Variants in SUGCT observed in about 807,000 individuals in gnomAD.
SUGCT encodes the protein succinyl-CoA:glutarate-CoA transferase, also known as succinyl-CoA:glutarate CoA-transferase.
In SUGCT, 41 loss-of-function variants were observed where a neutral mutation model predicts 55.0. The ratio of observed to expected loss-of-function variants is 0.74; its 90% CI spans 0.58 to 0.97. The LOEUF (loss-of-function observed/expected upper bound fraction) is 0.97. Among genes scored for constraint, SUGCT ranks in the 50% least tolerant of loss-of-function variants. SUGCT has a pLI of 0.00. For synonymous variants in SUGCT, 187 were observed against 200.4 expected, an observed-to-expected ratio of 0.93 and a Z score of 0.56; for missense variants, 568 against 547.8, an observed-to-expected ratio of 1.04 and a Z score of -0.37.
chr7:40,396,980 T>C (rs1462159037), intron 9 of SUGCT, among the ~76,000 whole-genome samples: 2 of 152,128 alleles, frequency 1.3e-5, no homozygotes, highest in African/African-American at 4.8e-5. Context: ...TTATAGAAAA[T>C]GTAAAATATG....
rs1164493403 is a variant in SUGCT at position 40,375,491 on chromosome 7, C to G, written c.816+58636C>G. 2.0e-5 allele frequency among the ~76,000 whole-genome samples: 3 copies of G among 152,172 alleles called. 1 individual carries two copies. In the East Asian group the frequency reaches 5.8e-4, roughly 30 times the overall value. ...GAAATTAGGAGTTTCTCTCCTACTC[C>G]CCATCTCATGGCCTTGGCACATGCT... On this transcript the variant is annotated intron_variant, in intron 9 of 13. Transcript: ENST00000335693.
At chr7:40,707,227 A>G (rs1785463019) in intron 12 of SUGCT, among the ~76,000 whole-genome samples, 1 of 148,344 alleles carries the variant, frequency 6.7e-6, no homozygotes. Flanking sequence ...ATGCTGCAAA[A>G]TCTACTTTTT....
chr7:40,242,934 T>TATATATATATATATATGTATA (rs1491495282), intron 7 of SUGCT, among the ~76,000 whole-genome samples: 1 of 18,044 alleles, frequency 5.5e-5, no homozygotes, highest in African/African-American at 1.9e-4. Context: ...TATATATATA[T>TATATATATATATATATGTATA]TTTTTTTTTT....
chr7:40,936,410 A>G, the SUGCT span, among the ~76,000 whole-genome samples: 1 of 151,700 alleles, frequency 6.6e-6, no homozygotes, highest in Admixed American at 6.6e-5. Flanking sequence ...TAAAATTCTT[A>G]TTTTAATTTT....
intron 13 of SUGCT, among the ~76,000 whole-genome samples, chr7:40,830,962 T>C (rs1245806338): frequency 2.0e-5 from 3 of 152,194 alleles, no homozygotes; most frequent in South Asian, 2.1e-4. Flanking sequence ...CTGCTGAAGA[T>C]TGTAATAATC....
chr7:40,835,555 T>A (rs1157007568), intron 13 of SUGCT, among the ~76,000 whole-genome samples: 3 of 152,198 alleles, frequency 2.0e-5, no homozygotes, highest in Non-Finnish European at 4.4e-5. Context: ...AGAAACTGTT[T>A]TCTGTAAAGG....
intron 12 of SUGCT, among the ~76,000 whole-genome samples, chr7:40,711,965 C>G (rs1474886128): frequency 6.6e-6 from 1 of 152,182 alleles, no homozygotes; most frequent in African/African-American, 2.4e-5. Flanking sequence ...CACATCCTCA[C>G]TCTCATTCAG....
rs548105688 is a variant in SUGCT at position 40,366,498 on chromosome 7, T to A, written c.816+49643T>A. 5.3e-5 allele frequency among the ~76,000 whole-genome samples: 8 copies of A among 151,578 alleles called. No homozygotes were observed. In the East Asian group the frequency reaches 1.6e-3, roughly 29 times the overall value. ...AGGCAACCTACAAAATGGGAGAAAA[T>A]TTTCTCAACCTACTCATCTGACAAA... On this transcript the variant is annotated intron_variant, in intron 9 of 13. Coordinates refer to ENST00000335693, the MANE Select transcript of SUGCT (RefSeq NM_001193313.2).
At chr7:40,747,952 G>C (rs979945481) in intron 12 of SUGCT, among the ~76,000 whole-genome samples, 2 of 152,048 alleles carry the variant, frequency 1.3e-5, no homozygotes, top group African/African-American at 4.8e-5. Context: ...TTACCCCCAG[G>C]GAAAATTCCA....
chr7:40,681,981 T>C (rs1227826006), intron 12 of SUGCT, among the ~76,000 whole-genome samples: 1 of 152,180 alleles, frequency 6.6e-6, no homozygotes, highest in Non-Finnish European at 1.5e-5. Flanking sequence ...GGGGTGCATG[T>C]GAAGATATCT....
intron 1 of SUGCT, among the ~76,000 whole-genome samples, 195 bp from the exon 2 acceptor site, chr7:40,180,752 G>A (rs1255931371): frequency 6.6e-6 from 1 of 152,142 alleles, no homozygotes; most frequent in Non-Finnish European, 1.5e-5. Flanking sequence ...GCCTCCGAAA[G>A]TGCTGGGATA....
intron 9 of SUGCT, among the ~76,000 whole-genome samples, chr7:40,438,728 G>A (rs547862222): frequency 1.0e-3 from 157 of 151,960 alleles, no homozygotes; most frequent in African/African-American, 3.5e-3. Flanking sequence ...AATTCGCTGC[G>A]TATGATTTGA....
the SUGCT span, among the ~76,000 whole-genome samples, chr7:41,024,469 G>C: frequency 1.3e-5 from 2 of 152,092 alleles, no homozygotes; most frequent in Non-Finnish European, 2.9e-5. Flanking sequence ...TCCATATCTA[G>C]AACTTATAAA....
chr7:40,582,783 G>A (rs60999211), intron 12 of SUGCT, among the ~76,000 whole-genome samples: 14,334 of 151,968 alleles, frequency 0.094, 719 homozygotes, highest in Middle Eastern at 0.12. Context: ...TCATTGGGTG[G>A]GCCCTTAACT....
intron 9 of SUGCT, among the ~76,000 whole-genome samples, chr7:40,384,248 T>C (rs1313848992): frequency 6.6e-6 from 1 of 152,188 alleles, no homozygotes; most frequent in Non-Finnish European, 1.5e-5. Flanking sequence ...AATGTGAAGC[T>C]GCTCTGTGGG....
intron 11 of SUGCT, among the ~76,000 whole-genome samples, chr7:40,461,003 T>G (rs900954333): frequency 4.6e-5 from 7 of 152,206 alleles, no homozygotes; most frequent in Admixed American, 2.0e-4. Context: ...CTTGGCTGCT[T>G]GCAGGCTAGC....
chr7:40,859,425 A>C (rs1314910251), intron 13 of SUGCT, among the ~76,000 whole-genome samples: 4 of 152,182 alleles, frequency 2.6e-5, no homozygotes, highest in South Asian at 2.1e-4. Flanking sequence ...TCATGTCCTC[A>C]TGGGAAGAAT....
At chr7:40,623,596 T>G (rs1242799687) in intron 12 of SUGCT, among the ~76,000 whole-genome samples, 3 of 152,188 alleles carry the variant, frequency 2.0e-5, no homozygotes, top group Non-Finnish European at 1.5e-5. Context: ...TCCAAGAATT[T>G]TTTTGTAGAA....
intron 12 of SUGCT, among the ~76,000 whole-genome samples, chr7:40,699,196 A>G (rs1012526888): frequency 6.6e-6 from 1 of 152,220 alleles, no homozygotes; most frequent in Non-Finnish European, 1.5e-5. Flanking sequence ...ACATGTCCTC[A>G]GGCTATCAAA....
Sources: gnomAD v4.1 joint callset for allele counts (sites outside exome capture counted in the v4.1 genomes callset) on GRCh38, gnomAD v4.1.1 for gene constraint, MANE v1.5 for transcripts, NCBI Gene and HGNC (gene_info 2026-07-23, HGNC 2026-07-21) for gene names.